Variants in PLS1 observed in about 807,000 individuals in gnomAD.
PLS1 encodes the protein plastin-1.
In PLS1, 32 loss-of-function variants were observed where a neutral mutation model predicts 73.7. The ratio of observed to expected loss-of-function variants is 0.43; its 90% confidence interval spans 0.33 to 0.58. The LOEUF (loss-of-function observed/expected upper bound fraction) is 0.58, where lower values mean the gene tolerates loss of function less well. Ranked by LOEUF, PLS1 falls within the 20% of genes least tolerant of loss-of-function variation. PLS1 has a pLI of 0.04. For missense variants in PLS1, 633 were observed against 740.5 expected (o/e 0.85, Z 1.68); for synonymous variants, 217 against 261.3 (o/e 0.83, Z 1.63).
chr3:142,599,072 C>T (rs1174045857), intron 1 of PLS1, among the ~76,000 whole-genome samples: 2 of 151,738 alleles, frequency 1.3e-5, no homozygotes, highest in African/African-American at 4.8e-5. Flanking sequence ...TGTCTTATTT[C>T]CCGTTCTAGA....
intron 1 of PLS1, among the ~76,000 whole-genome samples, chr3:142,635,924 C>T (rs772216636): frequency 7.2e-5 from 11 of 152,090 alleles, no homozygotes; most frequent in Non-Finnish European, 1.6e-4. Context: ...GGGTTTTGTT[C>T]TGGTGCCCAG....
intron 10 of PLS1, among the ~76,000 whole-genome samples, chr3:142,691,811 T>A (rs1490105809): frequency 2.0e-5 from 3 of 152,184 alleles, no homozygotes; most frequent in African/African-American, 7.2e-5. Flanking sequence ...TAGTATGTCC[T>A]CATTGGCAGA....
chr3:142,632,774 T>C (rs1307657852), intron 1 of PLS1, among the ~76,000 whole-genome samples: 1 of 152,116 alleles, frequency 6.6e-6, no homozygotes, highest in Non-Finnish European at 1.5e-5. Context: ...AATTTTTATA[T>C]TTTTAGTAGA....
intron 5 of PLS1, among the ~76,000 whole-genome samples, chr3:142,677,436 A>C (rs902518624): frequency 1.3e-5 from 2 of 152,190 alleles, no homozygotes; most frequent in Non-Finnish European, 2.9e-5. Flanking sequence ...ACTTGAGGTC[A>C]GGAGTTTGAG....
Position 142,622,527 on chromosome 3 carries a change from T to G in PLS1, c.-37+26018T>G, listed in dbSNP as rs140269647. 3.9e-5 allele frequency among the ~76,000 whole-genome samples: 6 copies of G among 152,302 alleles called. No homozygotes were observed. The East Asian group carries it at 1.2e-3, about 29-fold the overall frequency. ...TACTGTATGTACTTAAAAAAAAAAC[T>G]GGCTTATAAAAGTCCTTAACTTTTT... On this transcript the variant is annotated intron_variant, in intron 1 of 15. Transcript: ENST00000457734.
intron 9 of PLS1, 26 bp from the exon 10 acceptor site, chr3:142,689,592 G>A: frequency 7.0e-7 from 1 of 1,427,286 alleles, no homozygotes. Flanking sequence ...AACTTCAATT[G>A]TAACCATTTT....
intron 1 of PLS1, among the ~76,000 whole-genome samples, chr3:142,649,930 T>C (rs1026745492): frequency 2.0e-5 from 3 of 152,202 alleles, no homozygotes; most frequent in African/African-American, 7.2e-5. Flanking sequence ...CTTTCCCAAT[T>C]CAGAATGCCC....
At chr3:142,689,125 T>C (rs2038033014) in intron 9 of PLS1, among the ~76,000 whole-genome samples, 1 of 152,112 alleles carries the variant, frequency 6.6e-6, no homozygotes, top group East Asian at 1.9e-4. Flanking sequence ...TCAGAGACTT[T>C]TTTCCTTTTA....
chr3:142,649,579 A>C (rs1479376889), intron 1 of PLS1, among the ~76,000 whole-genome samples: 1 of 151,982 alleles, frequency 6.6e-6, no homozygotes, highest in Non-Finnish European at 1.5e-5. Flanking sequence ...TGGAGCTTGC[A>C]GTGAGCTGAG....
chr3:142,638,331 G>A (rs2036744091), intron 1 of PLS1, among the ~76,000 whole-genome samples: 2 of 152,206 alleles, frequency 1.3e-5, no homozygotes, highest in Non-Finnish European at 1.5e-5. Flanking sequence ...TCCTGGATCT[G>A]CCACGTTTCA....
Position 142,664,247 on chromosome 3 carries a change from A to T in PLS1, c.10A>T (p.Ser4Cys). Residue 4 changes from serine to cysteine, a missense_variant, in exon 2 of 16, where the codon AGT becomes TGT. By Grantham distance (112) the Ser-to-Cys change is moderately radical. Coordinates refer to ENST00000457734, the MANE Select transcript of PLS1 (RefSeq NM_001145319.2). MEN[S>C]TTTISREELE... ...TCTTTTCTGTCCAAAGATGGAAAAC[A>T]GTACTACTACCATTTCTCGGGAGGA... 2 of 1,574,282 alleles carry T rather than the reference A, an allele frequency of 1.3e-6. No individual in the cohort carries two copies. The highest frequency in any genetic ancestry group is 1.7e-6 in the Non-Finnish European group (2 of 1,149,554).
chr3:142,684,609 A>G (rs964467540), intron 8 of PLS1, among the ~76,000 whole-genome samples: 3 of 152,224 alleles, frequency 2.0e-5, no homozygotes, highest in Non-Finnish European at 2.9e-5. Flanking sequence ...AAGAACTACA[A>G]CTGACTGTGA....
At chr3:142,678,761 GATTTATAGTCCTTTGGA>G (rs1216761372) in intron 6 of PLS1, among the ~76,000 whole-genome samples, 3 of 151,736 alleles carry the variant, frequency 2.0e-5, no homozygotes, top group African/African-American at 7.3e-5. Context: ...ATAGCAGCAT[GATTTATAGTCCTTTGGA>G]TATATACCCA....
chr3:142,695,864 G>A lies in PLS1; in HGVS notation c.1256+1317G>A, dbSNP rs80122080. ...GGCTGGAGTGCAATGGTGTGATCTC[G>A]GCTCACCGCAACCTCTGCCTCCCTG... is the stretch of plus-strand genomic sequence containing the variant. On this transcript the variant is annotated intron_variant, in intron 11 of 15. Transcript: ENST00000457734. Among the ~76,000 whole-genome samples, 767 of 151,196 alleles carry A rather than the reference G, an allele frequency of 5.1e-3. 9 individuals are homozygous for A. The highest frequency in any genetic ancestry group is 0.017 in the African/African-American group (680 of 41,122).
At chr3:142,704,980 T>A (rs1033423222) in intron 14 of PLS1, among the ~76,000 whole-genome samples, 8 of 151,918 alleles carry the variant, frequency 5.3e-5, no homozygotes, top group Non-Finnish European at 1.0e-4. Flanking sequence ...TTATTGGAAA[T>A]TACATTGGTT....
chr3:142,685,387 G>A (rs1374946850), intron 8 of PLS1, among the ~76,000 whole-genome samples: 1 of 152,184 alleles, frequency 6.6e-6, no homozygotes, highest in African/African-American at 2.4e-5. Flanking sequence ...AGCAAATTAT[G>A]CAAAATTTGC....
intron 7 of PLS1, 22 bp downstream of exon 7, chr3:142,684,193 G>T (rs767114853): frequency 1.2e-6 from 2 of 1,613,636 alleles, no homozygotes; most frequent in South Asian, 2.2e-5. Flanking sequence ...AGAAATATTT[G>T]CTGTTCATTG....
intron 1 of PLS1, among the ~76,000 whole-genome samples, chr3:142,617,617 T>G (rs1046908208): frequency 6.6e-6 from 1 of 152,200 alleles, no homozygotes; most frequent in Non-Finnish European, 1.5e-5. Context: ...ATGAGACTCT[T>G]TGGGTTGAGA....
intron 14 of PLS1, among the ~76,000 whole-genome samples, chr3:142,708,128 C>T (rs536661371): frequency 2.6e-5 from 4 of 152,276 alleles, no homozygotes; most frequent in Middle Eastern, 3.4e-3. Flanking sequence ...GGGCTTACCA[C>T]GCTGTTGGCA....
Sources: gnomAD v4.1 joint callset for allele counts (sites outside exome capture counted in the v4.1 genomes callset) on GRCh38, gnomAD v4.1.1 for gene constraint, MANE v1.5 for transcripts, NCBI Gene and HGNC (gene_info 2026-07-23, HGNC 2026-07-21) for gene names.